The following SLC30A8 variants were observed in gnomAD, a reference collection of about 807,000 sequenced individuals.
SLC30A8 encodes solute carrier family 30 member 8.
Under a neutral mutation model 36.9 loss-of-function variants are expected in SLC30A8, and 27 were observed. The observed-to-expected ratio is 0.73, with a 90% CI of 0.54 to 1.01. The LOEUF is 1.01. Ranked by LOEUF, SLC30A8 falls within the 50% of genes least tolerant of loss-of-function variation. The probability of loss-of-function intolerance (pLI) is 0.00; values close to 1 mark genes in which losing one functional copy is unlikely to be tolerated. For synonymous variants in SLC30A8, 164 were observed against 172.4 expected (o/e 0.95, Z 0.38); for missense variants, 439 against 452.0 (o/e 0.97, Z 0.26).
intron 1 of SLC30A8, among the ~76,000 whole-genome samples, chr8:117,007,770 A>G (rs1816229706): frequency 6.6e-6 from 1 of 152,218 alleles, no homozygotes; most frequent in African/African-American, 2.4e-5. Context: ...AAGGGCACAC[A>G]TTAGTAAACA....
intron 2 of SLC30A8, among the ~76,000 whole-genome samples, chr8:117,065,486 A>G (rs531215915): frequency 6.6e-6 from 1 of 152,246 alleles, no homozygotes; most frequent in South Asian, 2.1e-4. Flanking sequence ...TCCCTGGCCT[A>G]AGAGTCAGCA....
At chr8:116,977,142 T>TC (rs1352266041) in intron 1 of SLC30A8, among the ~76,000 whole-genome samples, 1 of 9,482 alleles carries the variant, frequency 1.1e-4, no homozygotes, top group African/African-American at 8.0e-4. Flanking sequence ...TTTTTCTTGC[T>TC]TTTTTTTTTT....
At chr8:117,093,390 TTAA>T (rs1819219302) in intron 2 of SLC30A8, among the ~76,000 whole-genome samples, 1 of 151,730 alleles carries the variant, frequency 6.6e-6, no homozygotes, top group Non-Finnish European at 1.5e-5. Context: ...CAAATAAGAC[TTAA>T]TAAGAATGGG....
Position 117,078,831 on chromosome 8 carries a change from G to T in SLC30A8, c.-226+39573G>T, listed in dbSNP as rs759648290. 2.8e-4 allele frequency among the ~76,000 whole-genome samples: 42 copies of T among 152,046 alleles called. 1 individual carries two copies. The highest frequency in any genetic ancestry group is 5.9e-4 in the Non-Finnish European group (40 of 68,020). On this transcript the variant is annotated intron_variant, in intron 2 of 10. Transcript: ENST00000427715. Reference sequence around the variant, plus strand: ...ATCTCCCGAGTGGCTGGGATTATAGGTGCATGCCGCCACACCTAGCTAATT... The same window carrying T: ...ATCTCCCGAGTGGCTGGGATTATAGTTGCATGCCGCCACACCTAGCTAATT...
chr8:117,161,071 CAA>C (rs1054661194), intron 4 of SLC30A8, among the ~76,000 whole-genome samples: 2 of 152,122 alleles, frequency 1.3e-5, no homozygotes, highest in Non-Finnish European at 2.9e-5. Flanking sequence ...TTGACTCAGA[CAA>C]GAGATGCTCA....
In SLC30A8 at chr8:117,045,948, CT is replaced by C. The variant is rs887119600; in HGVS notation, c.-226+6701del. ...TTTTTTTCCCCCTTCTTTTTTCTTTCTTTTTTTTTTTAAAACTGACAGAAGA... is the reference window on the plus strand; with the variant it reads ...TTTTTTTCCCCCTTCTTTTTTCTTTCTTTTTTTTTTAAAACTGACAGAAGA... On this transcript the variant is annotated intron_variant, in intron 2 of 10. Coordinates refer to the SLC30A8 transcript ENST00000427715. Among the ~76,000 whole-genome samples, 800 of 141,984 alleles carry C rather than the reference CT, an allele frequency of 5.6e-3. 6 individuals carry two copies. Among genetic ancestry groups the C allele is most frequent in the African/African-American group, 0.018 (715 of 38,732 alleles). 93.1% of individuals were successfully genotyped at this position (141,984 alleles called of 152,430 possible).
At position 117,161,899 on chromosome 8, in the gene SLC30A8, GT is replaced by G. The variant is rs1189281358; in HGVS notation, c.723+14del. The G allele has an allele frequency of 6.2e-7, 1 of 1,608,914 alleles. No homozygotes were observed. The highest frequency in any genetic ancestry group is 8.5e-7 in the Non-Finnish European group (1 of 1,176,554). ...ATTATCTACTTTAAGGTGAGTTTGA[GT>G]TTACCCACCATCCTAGTACTTATGT... On this transcript the variant is annotated intron_variant, in intron 5 of 7. Transcript: ENST00000456015.
At chr8:117,147,250 A>G (rs958780819) in intron 2 of SLC30A8, 97 bp downstream of exon 2, 1 of 1,045,518 alleles carries the variant, frequency 9.6e-7, no homozygotes, top group African/African-American at 1.6e-5. Context: ...AAGATTTAAT[A>G]TTTTCTGTAA....
At chr8:116,979,240 A>G in intron 1 of SLC30A8, among the ~76,000 whole-genome samples, 1 of 22,052 alleles carries the variant, frequency 4.5e-5, no homozygotes, top group Non-Finnish European at 8.5e-5. Flanking sequence ...CCCTGTCTCA[A>G]AAAAAAAAAA....
At chr8:117,018,673 CCCT>C (rs1816604858) in intron 1 of SLC30A8, among the ~76,000 whole-genome samples, 1 of 124,890 alleles carries the variant, frequency 8.0e-6, no homozygotes. Context: ...GCCCCCCCCC[CCCT>C]TTTTTTTTTT....
In SLC30A8 at chr8:117,171,521, T is replaced by C. The variant is rs547300028; in HGVS notation, c.964+353T>C. Among the ~76,000 whole-genome samples the C allele has an allele frequency of 1.5e-3, 227 of 152,190 alleles. 2 individuals are homozygous for C. Among genetic ancestry groups the C allele is most frequent in the Middle Eastern group, 6.8e-3 (2 of 294 alleles). On this transcript the variant is annotated intron_variant, in intron 7 of 7. Coordinates refer to ENST00000456015, the MANE Select transcript of SLC30A8 (RefSeq NM_173851.3). ...GAATGAATTAAAAACTTAATCTTAATTGAGTATCTCCTATGTATAAGATGT... is the reference window on the plus strand; with the variant it reads ...GAATGAATTAAAAACTTAATCTTAACTGAGTATCTCCTATGTATAAGATGT...
chr8:116,957,298 A>T (rs545817413), intron 1 of SLC30A8, among the ~76,000 whole-genome samples: 112 of 150,758 alleles, frequency 7.4e-4, no homozygotes, highest in Non-Finnish European at 1.2e-3. Context: ...TTTTTTTGAG[A>T]TGAAGTCTCG....
In SLC30A8 at chr8:116,965,593, T is replaced by C. The variant is rs1272447208; in HGVS notation, c.-266+14474T>C. ...CCTGTGTGGTGTGAATTCCACATCT[T>C]TGCAGGATTTTGAGGGGCTTCCCAT... On this transcript the variant is annotated intron_variant, in intron 1 of 10. Transcript: ENST00000427715. 3.3e-5 allele frequency among the ~76,000 whole-genome samples: 5 copies of C among 152,192 alleles called. No individual in the cohort carries two copies. The East Asian group carries it at 9.6e-4, about 29-fold the overall frequency.
upstream of SLC30A8, among the ~76,000 whole-genome samples, chr8:117,133,209 A>C (rs1179997954): frequency 2.0e-5 from 3 of 151,936 alleles, no homozygotes; most frequent in Non-Finnish European, 2.9e-5. Context: ...CATAGGATAC[A>C]TTTTTGACAG....
intron 5 of SLC30A8, among the ~76,000 whole-genome samples, chr8:117,163,015 C>A (rs1822873297): frequency 6.6e-6 from 1 of 152,238 alleles, no homozygotes; most frequent in Admixed American, 6.5e-5. Context: ...AATTTCTGAA[C>A]AAGTTATGTC....
chr8:117,112,711 A>T (rs996038589), intron 2 of SLC30A8, among the ~76,000 whole-genome samples: 3 of 152,152 alleles, frequency 2.0e-5, no homozygotes, highest in Admixed American at 2.0e-4. Context: ...GGCCATGAAG[A>T]TTCTCTGATG....
intron 1 of SLC30A8, among the ~76,000 whole-genome samples, chr8:116,955,987 G>A (rs966849200): frequency 6.6e-6 from 1 of 152,178 alleles, no homozygotes. Flanking sequence ...GAAAATGAGA[G>A]TGCATTACCA....
At chr8:117,117,581 T>C (rs1166803339) in intron 2 of SLC30A8, among the ~76,000 whole-genome samples, 1 of 152,030 alleles carries the variant, frequency 6.6e-6, no homozygotes, top group Non-Finnish European at 1.5e-5. Context: ...TGAAATAGAA[T>C]TTCAGATGAA....
At position 117,117,690 on chromosome 8, in the gene SLC30A8, A is replaced by C. The variant is rs894991969; in HGVS notation, c.-225-17590A>C. Among the ~76,000 whole-genome samples, 2 of 151,944 alleles carry C rather than the reference A, an allele frequency of 1.3e-5. 1 individual carries two copies. Among genetic ancestry groups the C allele is most frequent in the Non-Finnish European group, 2.9e-5 (2 of 67,928 alleles). ...TGAATTTTATAGGACTTAAGGGAGAACTTGCAGTTCTAGCTCTAGGGATGA... is the reference window on the plus strand; with the variant it reads ...TGAATTTTATAGGACTTAAGGGAGACCTTGCAGTTCTAGCTCTAGGGATGA... On this transcript the variant is annotated intron_variant, in intron 2 of 10. Coordinates refer to the SLC30A8 transcript ENST00000427715.
Sources: allele counts gnomAD v4.1 joint callset (sites outside exome capture counted in the v4.1 genomes callset), GRCh38; gene constraint gnomAD v4.1.1; transcripts MANE v1.5; gene names NCBI Gene and HGNC (gene_info 2026-07-23, HGNC 2026-07-21).